Variants in ITSN2 observed in about 807,000 individuals in gnomAD.
ITSN2 encodes intersectin-2.
A neutral mutation model predicts 243.7 loss-of-function variants in ITSN2; 156 were observed. The ratio of observed to expected loss-of-function variants is 0.64; its 90% CI spans 0.56 to 0.73. The LOEUF (loss-of-function observed/expected upper bound fraction) is 0.73, where lower values mean the gene tolerates loss of function less well. Ranked by LOEUF, ITSN2 falls within the 30% of genes least tolerant of loss-of-function variation. ITSN2 has a pLI of 0.00. For missense variants in ITSN2, 1,801 were observed against 1,996.1 expected (o/e 0.90, Z 1.86); for synonymous variants, 703 against 699.9 (o/e 1.00, Z -0.07).
At chr2:24,284,868 C>T (rs1273384786) in intron 16 of ITSN2, 25 bp from the exon 17 acceptor site, 4 of 1,174,484 alleles carry the variant, frequency 3.4e-6, no homozygotes, top group Non-Finnish European at 3.7e-6. Context: ...AGATAAAAAG[C>T]CAATTAAACT....
At chr2:24,252,534 AAGT>A (rs763196026) in intron 24 of ITSN2, 23 bp from the exon 25 acceptor site, 1 of 1,557,408 alleles carries the variant, frequency 6.4e-7, no homozygotes, top group South Asian at 1.2e-5. Flanking sequence ...AAGCAAAAAG[AAGT>A]AGATTCTGGT....
chr2:24,315,802 G>A (rs762121739), intron 2 of ITSN2, among the ~76,000 whole-genome samples: 23 of 152,302 alleles, frequency 1.5e-4, no homozygotes, highest in Non-Finnish European at 1.9e-4. Flanking sequence ...GTTAAGATGT[G>A]CTTTGCATCC....
rs777470630 is a variant in ITSN2 at position 24,261,238 on chromosome 2, T to C, written c.2550A>G (p.Ser850=). Residue 850 remains serine (S), a synonymous_variant, in exon 22 of 40, where the codon TCA becomes TCG. Transcript: ENST00000355123. ...ATSTSSEPLS[S]NQPASVTDYQ... ...AATCAGTCACTGATGCTGGTTGATT[T>C]GAAGAAAGTGGTCTGCAAATATAAC... 15 of 1,610,688 alleles carry C rather than the reference T, an allele frequency of 9.3e-6. No homozygotes were observed. Among genetic ancestry groups the C allele is most frequent in the Non-Finnish European group, 1.3e-5 (15 of 1,177,470 alleles).
chr2:24,203,815 TTTC>T lies in ITSN2; in HGVS notation c.4937-35_4937-33del, dbSNP rs1558415726. 3 of 1,582,722 alleles carry T rather than the reference TTTC, an allele frequency of 1.9e-6. No homozygotes were observed. The South Asian group carries it at 3.4e-5, about 18-fold the overall frequency. ...AATAAACACAGGAGAGTCAGAAGTC[TTTC>T]TTCTTTATAAAATCATTAAAGAGCT... On this transcript the variant is annotated intron_variant, in intron 39 of 39. Transcript: ENST00000355123.
At chr2:24,291,488 CCTTTTT>C (rs1342469281) in intron 15 of ITSN2, among the ~76,000 whole-genome samples, 6 of 97,198 alleles carry the variant, frequency 6.2e-5, no homozygotes, top group South Asian at 3.9e-4. Flanking sequence ...TCTTCTTCTT[CCTTTTT>C]TTTTTTTTTT....
chr2:24,312,262 G>C lies in ITSN2; in HGVS notation c.302C>G (p.Pro101Arg). Residue 101 changes from proline to arginine, a missense_variant, in exon 5 of 40, where the codon CCT (proline) becomes CGT (arginine). By Grantham distance (103) the Pro-to-Arg change is moderately radical. Coordinates refer to ENST00000355123, the MANE Select transcript of ITSN2 (RefSeq NM_006277.3). ...AAACATAGGGGGTTGCTTCATAATA[G>C]GAGGGAGAACCACAGGCAACTGTTG... ...QGQQLPVVLP[P>R]IMKQPPMFSP... 1 of 1,613,686 alleles carries C rather than the reference G, an allele frequency of 6.2e-7. No homozygotes were observed. Among genetic ancestry groups the C allele is most frequent in the Non-Finnish European group, 8.5e-7 (1 of 1,179,730 alleles).
chr2:24,208,331 G>C lies in ITSN2; in HGVS notation c.4596-12C>G. On this transcript the variant is annotated splice_polypyrimidine_tract_variant and intron_variant, in intron 36 of 39. Coordinates refer to ENST00000355123, the MANE Select transcript of ITSN2 (RefSeq NM_006277.3). ...GCACCCAGGCGGTCCTACGGGAGAA[G>C]CAGGGGCAGCCGTTGGCCGCATCCC... 1 of 1,609,456 alleles carries C rather than the reference G, an allele frequency of 6.2e-7. No individual in the cohort carries two copies. Among genetic ancestry groups the C allele is most frequent in the Non-Finnish European group, 8.5e-7 (1 of 1,178,176 alleles).
intron 32 of ITSN2, among the ~76,000 whole-genome samples, chr2:24,215,761 C>T (rs1669900791): frequency 6.7e-6 from 1 of 149,964 alleles, no homozygotes; most frequent in African/African-American, 2.5e-5. Context: ...AAGAAAGTGA[C>T]ATTCTGGTTG....
rs1673370013 is a variant in ITSN2, at chr2:24,246,375, G to T, written c.3386-55C>A. The T allele has an allele frequency of 1.2e-5, 12 of 1,043,428 alleles. No individual in the cohort carries two copies. The South Asian group carries it at 1.4e-4, about 12-fold the overall frequency. 64.6% of individuals were successfully genotyped at this position (1,043,428 alleles called of 1,614,324 possible). ...AAACAAATTAATTATTCCTGCAAGG[G>T]TCAATCATTTGTAATCTCCCTAGGA... is the stretch of plus-strand genomic sequence containing the variant. On this transcript the variant is annotated intron_variant, in intron 28 of 39. Coordinates refer to ENST00000355123, the MANE Select transcript of ITSN2 (RefSeq NM_006277.3).
rs149325288 is a variant in ITSN2, at chr2:24,230,850, T to G, written c.3578-9784A>C. Among the ~76,000 whole-genome samples, 196 of 152,260 alleles carry G rather than the reference T, an allele frequency of 1.3e-3. 3 individuals carry two copies. The East Asian group carries it at 0.037, about 28-fold the overall frequency. On this transcript the variant is annotated intron_variant, in intron 29 of 39. Coordinates refer to ENST00000355123, the MANE Select transcript of ITSN2 (RefSeq NM_006277.3). ...CCAAACAAAAGCCAAAGTTTATAAA[T>G]AGCCCACAAGAACCTAAACAACCTC...
chr2:24,206,100 T>A (rs761389000), intron 37 of ITSN2: 8 of 302,036 alleles, frequency 2.6e-5, no homozygotes, highest in Non-Finnish European at 4.7e-5. Flanking sequence ...GAAGCAAAAC[T>A]CAGGCAGAAA....
In ITSN2 at chr2:24,262,600, C is replaced by T. The variant is rs578182240; in HGVS notation, c.2356-858G>A. Among the ~76,000 whole-genome samples, 6 of 152,310 alleles carry T rather than the reference C, an allele frequency of 3.9e-5. No individual in the cohort carries two copies. In the South Asian group the frequency reaches 1.2e-3, roughly 32 times the overall value. ...AAACACTAAGGACAGCCTCAAGTTT[C>T]ATCACTGGCTTTCTTTCCTCATTCT... On this transcript the variant is annotated intron_variant, in intron 20 of 39. Transcript: ENST00000355123.
intron 1 of ITSN2, among the ~76,000 whole-genome samples, chr2:24,336,261 A>C (rs1686366186): frequency 6.6e-6 from 1 of 151,544 alleles, no homozygotes; most frequent in Non-Finnish European, 1.5e-5. Context: ...AAAAAAAAAA[A>C]AGTTTCCCAA....
chr2:24,305,685 T>A (rs1401585038), intron 8 of ITSN2, among the ~76,000 whole-genome samples: 1 of 151,386 alleles, frequency 6.6e-6, no homozygotes, highest in Admixed American at 6.6e-5. Context: ...GGGCTCATGC[T>A]CAGCTTAAGG....
chr2:24,306,884 C>T (rs893553321), intron 8 of ITSN2, among the ~76,000 whole-genome samples: 12 of 152,032 alleles, frequency 7.9e-5, no homozygotes, highest in Admixed American at 7.9e-4. Context: ...CGGCTCACTG[C>T]AACCTCCGCC....
chr2:24,270,804 C>T, intron 19 of ITSN2, 36 bp from the exon 20 acceptor site: 1 of 1,089,092 alleles, frequency 9.2e-7, no homozygotes, highest in Non-Finnish European at 1.4e-6. Flanking sequence ...TTGCAACTTA[C>T]ATGTATACAT....
intron 23 of ITSN2, 117 bp downstream of exon 23, chr2:24,257,771 G>C: frequency 1.2e-6 from 1 of 843,800 alleles, no homozygotes; most frequent in South Asian, 1.6e-5. Flanking sequence ...TTACCTTTCT[G>C]ATATTCAAAC....
In ITSN2 at chr2:24,312,379, A is replaced by T; in HGVS notation, c.189-4T>A. The T allele has an allele frequency of 1.2e-6, 2 of 1,601,808 alleles. No individual in the cohort carries two copies. The highest frequency in any genetic ancestry group is 3.3e-4 in the Middle Eastern group (2 of 6,020). On this transcript the variant is annotated splice_region_variant and splice_polypyrimidine_tract_variant and intron_variant, in intron 4 of 39. Coordinates refer to ENST00000355123, the MANE Select transcript of ITSN2 (RefSeq NM_006277.3). ...CTTGTTTAGGTCTGATAAAGCCCTA[A>T]AAGGAGCATGAGGTAGGTAGATTGC...
rs192358745 is a variant in ITSN2 at position 24,348,333 on chromosome 2, C to T, written c.-34+11971G>A. ...GGGATTACAGGTGCCTGCCACCATG[C>T]CCAACTAATTTTTTGTACTTTTTGT... On this transcript the variant is annotated intron_variant, in intron 1 of 39. Transcript: ENST00000355123. Among the ~76,000 whole-genome samples the T allele has an allele frequency of 1.3e-4, 19 of 151,776 alleles. No individual in the cohort carries two copies. The East Asian group carries it at 3.5e-3, about 28-fold the overall frequency.
Sources: allele counts gnomAD v4.1 joint callset (sites outside exome capture counted in the v4.1 genomes callset), GRCh38; gene constraint gnomAD v4.1.1; transcripts MANE v1.5; gene names NCBI Gene and HGNC (gene_info 2026-07-23, HGNC 2026-07-21).